Variants in NUP133 observed in about 807,000 individuals in gnomAD.
NUP133 encodes nuclear pore complex protein Nup133.
NUP133 carries 66 observed loss-of-function variants against 146.2 expected under a neutral mutation model. The ratio of observed to expected loss-of-function variants is 0.45; its 90% confidence interval spans 0.37 to 0.55. NUP133 has a LOEUF of 0.55. Among genes scored for constraint, NUP133 ranks in the 20% least tolerant of loss-of-function variants. The probability of loss-of-function intolerance (pLI) is 0.00; values close to 1 mark genes in which losing one functional copy is unlikely to be tolerated. For synonymous variants in NUP133, 521 were observed against 498.8 expected (o/e 1.04, Z -0.59); for missense variants, 1,277 against 1,374.8 (o/e 0.93, Z 1.12).
rs1403272056 is a variant in NUP133, at chr1:229,475,807, G to A, written c.1757-75C>T. The stretch of plus-strand genomic sequence containing the variant: ...ACTATTTTAATATCAGTGGCTAACT[G>A]CTATTAAAATAAAAAGCTAAGGCTA... On this transcript the variant is annotated intron_variant, in intron 13 of 25. Transcript: ENST00000261396. 7 of 1,210,000 alleles carry A rather than the reference G, an allele frequency of 5.8e-6. No individual in the cohort carries two copies. The East Asian group carries it at 1.2e-4, about 20-fold the overall frequency. 75.0% of individuals were successfully genotyped at this position (1,210,000 alleles called of 1,614,324 possible). A position where few individuals can be genotyped will look rare whatever the true frequency, so the allele number is the denominator to read the frequency against.
intron 11 of NUP133, among the ~76,000 whole-genome samples, chr1:229,484,624 T>C (rs1661302323): frequency 6.6e-6 from 1 of 152,236 alleles, no homozygotes; most frequent in Non-Finnish European, 1.5e-5. Context: ...ATTAACAGAA[T>C]CTTTTTATAG....
At chr1:229,481,396 ATGAC>A (rs1558101395) in intron 12 of NUP133, among the ~76,000 whole-genome samples, 1 of 152,160 alleles carries the variant, frequency 6.6e-6, no homozygotes. Flanking sequence ...TCTAAATCCA[ATGAC>A]TGATGTCCTT....
intron 10 of NUP133, 47 bp from the exon 11 acceptor site, chr1:229,486,575 A>G: frequency 6.5e-7 from 1 of 1,547,086 alleles, no homozygotes; most frequent in Non-Finnish European, 8.7e-7. Context: ...AATAACAACA[A>G]AATGCTATGT....
In NUP133 at chr1:229,500,875, A is replaced by G; in HGVS notation, c.406-12T>C. On this transcript the variant is annotated splice_polypyrimidine_tract_variant and intron_variant, in intron 3 of 25. Transcript: ENST00000261396. ...TTGCAAACGGATAACTGTAGAACAAACCCAAACAGAAAATCTTTCACATCA... is the reference window on the plus strand; with the variant it reads ...TTGCAAACGGATAACTGTAGAACAAGCCCAAACAGAAAATCTTTCACATCA... The G allele has an allele frequency of 2.6e-6, 4 of 1,556,986 alleles. No individual in the cohort carries two copies. The highest frequency in any genetic ancestry group is 3.5e-6 in the Non-Finnish European group (4 of 1,134,928).
chr1:229,454,225 C>T (rs553360467), intron 21 of NUP133, among the ~76,000 whole-genome samples: 1 of 152,274 alleles, frequency 6.6e-6, no homozygotes, highest in South Asian at 2.1e-4. Context: ...CATAAACTCT[C>T]CAGGTTGCAG....
At chr1:229,469,288 C>T (rs565354863) in intron 15 of NUP133, among the ~76,000 whole-genome samples, 1 of 152,334 alleles carries the variant, frequency 6.6e-6, no homozygotes, top group South Asian at 2.1e-4. Context: ...GCCTTGCTGC[C>T]TCATCAGGCT....
chr1:229,494,961 G>A (rs968321649), intron 8 of NUP133, among the ~76,000 whole-genome samples: 5 of 152,142 alleles, frequency 3.3e-5, no homozygotes, highest in African/African-American at 7.2e-5. Context: ...TGTCTCTAAC[G>A]AATGAGACAC....
intron 11 of NUP133, among the ~76,000 whole-genome samples, chr1:229,486,080 T>A (rs1661339654): frequency 6.6e-6 from 1 of 152,144 alleles, no homozygotes; most frequent in East Asian, 1.9e-4. Flanking sequence ...GAGGACTGCT[T>A]GATCCCGGGA....
chr1:229,477,114 C>T (rs1004784105), intron 13 of NUP133, among the ~76,000 whole-genome samples: 3 of 151,866 alleles, frequency 2.0e-5, no homozygotes, highest in African/African-American at 7.3e-5. Flanking sequence ...TTATCTAGAC[C>T]TGTTCTGACC....
At chr1:229,461,924 C>T (rs1163940536) in intron 19 of NUP133, among the ~76,000 whole-genome samples, 1 of 149,920 alleles carries the variant, frequency 6.7e-6, no homozygotes, top group Non-Finnish European at 1.5e-5. Flanking sequence ...TGTTCTGTTG[C>T]CCAGCCTGGA....
At chr1:229,461,634 CA>C (rs1283848756) in intron 19 of NUP133, among the ~76,000 whole-genome samples, 2 of 151,804 alleles carry the variant, frequency 1.3e-5, no homozygotes, top group Non-Finnish European at 2.9e-5. Flanking sequence ...TAAAAATTAC[CA>C]GATATAGGAA....
chr1:229,499,684 CT>C lies in NUP133; in HGVS notation c.647del (p.Gln216ArgfsTer14). On this transcript the variant is annotated frameshift_variant and splice_region_variant, in exon 5 of 26. Coordinates refer to ENST00000261396, the MANE Select transcript of NUP133 (RefSeq NM_018230.3). LOFTEE classifies it high-confidence loss of function. ...ATATAAAGGAATATCCGTGGTATAC[CT>C]GCACTGCTGTTAGGAAACTGTAAGT... ...DKTYSFLTAV[Q>X]GGSFILSSSG... The C allele has an allele frequency of 6.2e-7, 1 of 1,611,782 alleles. No homozygotes were observed. The highest frequency in any genetic ancestry group is 8.5e-7 in the Non-Finnish European group (1 of 1,178,936).
Position 229,486,489 on chromosome 1 carries a change from G to A in NUP133, c.1382C>T (p.Pro461Leu), listed in dbSNP as rs35442997. Residue 461 changes from proline (P) to leucine (L), a missense_variant, in exon 11 of 26, where the codon CCT becomes CTT. Pro to Leu is a moderately conservative substitution (Grantham distance 98). Coordinates refer to ENST00000261396, the MANE Select transcript of NUP133 (RefSeq NM_018230.3). ...TCCACTGTTTCTAGAAAAAATGATA[G>A]GAACACCACCACAGGCACCAGCACC... ...VLGAGACGGV[P>L]IIFSRNSGLV... 2.2e-3 allele frequency: 3,567 copies of A among 1,609,798 alleles called. 53 individuals carry two copies. In the African/African-American group the frequency reaches 0.033, roughly 15 times the overall value.
chr1:229,456,923 G>A (rs996125590), intron 21 of NUP133, among the ~76,000 whole-genome samples: 1 of 151,480 alleles, frequency 6.6e-6, no homozygotes, highest in African/African-American at 2.4e-5. Context: ...AACCTCCTGG[G>A]CTCAAGTGAT....
intron 14 of NUP133, among the ~76,000 whole-genome samples, chr1:229,471,804 T>C (rs1249409860): frequency 6.6e-6 from 1 of 152,236 alleles, no homozygotes; most frequent in Non-Finnish European, 1.5e-5. Context: ...CTAGGAGATA[T>C]CTTTTTATAA....
rs1399111160 is a variant in NUP133, at chr1:229,506,076, G to A, written c.265C>T (p.Pro89Ser). The A allele has an allele frequency of 1.9e-6, 3 of 1,612,266 alleles. No homozygotes were observed. The highest frequency in any genetic ancestry group is 2.7e-5 in the African/African-American group (2 of 74,878). ...GTTAGGGCTTCCATGACTTTAACAG[G>A]AAGAGAAGATCCAAACGTTTTCACA... ...YDVKTFGSSL[P>S]VKVMEALTLA... The change falls in exon 2 of 26, where the codon CCT becomes TCT. Residue 89 changes from proline (P) to serine (S), a missense_variant. Physicochemically the swap from Pro to Ser is moderately conservative, Grantham distance 74. Transcript: ENST00000261396.
chr1:229,444,554 T>C (rs1660260705), intron 25 of NUP133, among the ~76,000 whole-genome samples: 2 of 151,960 alleles, frequency 1.3e-5, no homozygotes, highest in Admixed American at 1.3e-4. Flanking sequence ...TGGAGATCAG[T>C]GTGGACAGAC....
In NUP133 at chr1:229,442,012, C is replaced by A; in HGVS notation, c.3363G>T (p.Glu1121Asp). ...DGIQLSEYLP[E>D]VKDLLQADQL... is the part of the protein sequence containing the mutation. ...GATCCGCTTGTAGCAGGTCTTTCAC[C>A]TCCGGTAAGTACTCACTGAGCTGAA... The change falls in exon 26 of 26, where the codon GAG becomes GAT. Residue 1121 changes from glutamate to aspartate, a missense_variant. By Grantham distance (45) the Glu-to-Asp change is conservative. This residue lies in a region of NUP133 where 952 missense variants were observed against 1,047.0 expected (regional missense o/e 0.91). Transcript: ENST00000261396. 6.3e-7 allele frequency: 1 copy of A among 1,579,856 alleles called. No homozygotes were observed. Among genetic ancestry groups the A allele is most frequent in the Admixed American group, 2.0e-5 (1 of 50,174 alleles).
In NUP133 at chr1:229,452,509, T is replaced by C; in HGVS notation, c.3099+16A>G. The stretch of plus-strand genomic sequence containing the variant: ...TGAGTTTAAGAAATAGCGTTAAGGA[T>C]TTGAAAAGCACATACACCAATGAGT... On this transcript the variant is annotated intron_variant, in intron 22 of 25. Transcript: ENST00000261396. 1.3e-6 allele frequency: 2 copies of C among 1,591,016 alleles called. No homozygotes were observed. Among genetic ancestry groups the C allele is most frequent in the Non-Finnish European group, 1.7e-6 (2 of 1,161,246 alleles).
Sources: gnomAD v4.1 joint callset for allele counts (sites outside exome capture counted in the v4.1 genomes callset) on GRCh38, gnomAD v4.1.1 for gene constraint, gnomAD v4.1.1 regional missense constraint, MANE v1.5 for transcripts, NCBI Gene and HGNC (gene_info 2026-07-23, HGNC 2026-07-21) for gene names.